The following MKLN1 variants were observed in gnomAD, a reference collection of about 807,000 sequenced individuals.
MKLN1 encodes the protein muskelin 1.
A neutral mutation model predicts 99.0 loss-of-function variants in MKLN1; 18 were observed. The observed-to-expected ratio is 0.18, with a 90% CI of 0.13 to 0.27. The LOEUF (loss-of-function observed/expected upper bound fraction) is 0.27. Among genes scored for constraint, MKLN1 ranks in the 10% least tolerant of loss-of-function variants. The pLI, the probability that MKLN1 is intolerant of heterozygous loss-of-function variation, is 1.00. For missense variants in MKLN1, 621 were observed against 875.9 expected, an observed-to-expected ratio of 0.71 and a Z score of 3.67; for synonymous variants, 288 against 293.2, an observed-to-expected ratio of 0.98 and a Z score of 0.18.
intron 12 of MKLN1, 42 bp from the exon 13 acceptor site, chr7:131,463,175 T>C: frequency 6.8e-7 from 1 of 1,466,118 alleles, no homozygotes; most frequent in Non-Finnish European, 9.5e-7. Context: ...CTAATCTATC[T>C]AATGTGAATA....
At chr7:131,235,178 CT>C (rs1217046785) in intron 3 of MKLN1, among the ~76,000 whole-genome samples, 2 of 152,100 alleles carry the variant, frequency 1.3e-5, no homozygotes, top group Non-Finnish European at 2.9e-5. Context: ...ATCATTCTCT[CT>C]CTTTCACTCT....
Position 131,134,898 on chromosome 7 carries a change from A to G in MKLN1, c.-418-7922A>G, listed in dbSNP as rs192471002. Among the ~76,000 whole-genome samples the G allele has an allele frequency of 2.4e-3, 372 of 152,342 alleles. 1 individual carries two copies. Among genetic ancestry groups the G allele is most frequent in the African/African-American group, 8.3e-3 (345 of 41,582 alleles). On this transcript the variant is annotated intron_variant, in intron 1 of 7. Coordinates refer to the MKLN1 transcript ENST00000416992. The stretch of plus-strand genomic sequence containing the variant: ...AGTTACTGTCTTCAGTATCAAGTCC[A>G]GATTCCCTAGCTGTAATCAAGGTTC...
rs976325963 is a variant in MKLN1 at position 131,263,352 on chromosome 7, A to T, written c.-179+60378A>T. On this transcript the variant is annotated intron_variant, in intron 3 of 7. Transcript: ENST00000416992. ...GACCTCATCTCTACAATTATTAATA[A>T]TAATAATAATAATAATAATAAAATT... is the stretch of plus-strand genomic sequence containing the variant. Among the ~76,000 whole-genome samples, 55 of 129,818 alleles carry T rather than the reference A, an allele frequency of 4.2e-4. 1 individual carries two copies. Among genetic ancestry groups the T allele is most frequent in the Admixed American group, 5.2e-4 (6 of 11,458 alleles). The allele number at this position is 129,818 out of a possible 152,430, so 85.2% of individuals were successfully genotyped here. A position where few individuals can be genotyped will look rare whatever the true frequency, so the allele number is the denominator to read the frequency against.
intron 6 of MKLN1, among the ~76,000 whole-genome samples, chr7:131,404,509 G>A (rs1794643719): frequency 6.6e-6 from 1 of 152,016 alleles, no homozygotes; most frequent in African/African-American, 2.4e-5. Flanking sequence ...ATGGGGTCTC[G>A]CCATGTTACC....
At chr7:131,314,153 C>A (rs1277979394) in intron 3 of MKLN1, among the ~76,000 whole-genome samples, 2 of 152,212 alleles carry the variant, frequency 1.3e-5, no homozygotes, top group Non-Finnish European at 2.9e-5. Flanking sequence ...GTTAAGTGTT[C>A]TCTCACAGAA....
At chr7:131,386,014 CTT>C (rs71174945) in intron 2 of MKLN1, among the ~76,000 whole-genome samples, 31 of 132,868 alleles carry the variant, frequency 2.3e-4, no homozygotes, top group Non-Finnish European at 3.2e-4. Context: ...GGTCTTCAGT[CTT>C]TTTTTTTTTT....
At chr7:131,144,443 C>G (rs1311196784) in intron 2 of MKLN1, among the ~76,000 whole-genome samples, 1 of 149,978 alleles carries the variant, frequency 6.7e-6, no homozygotes, top group African/African-American at 2.5e-5. Flanking sequence ...GATCATGCCA[C>G]TGCACTCCAG....
At chr7:131,415,723 T>C (rs1378308144) in intron 8 of MKLN1, among the ~76,000 whole-genome samples, 2 of 152,006 alleles carry the variant, frequency 1.3e-5, no homozygotes, top group Non-Finnish European at 2.9e-5. Flanking sequence ...TAGGCATCTT[T>C]TTTTCTGCCT....
At chr7:131,472,308 C>G (rs1796841512) in intron 16 of MKLN1, 2 of 152,026 alleles carry the variant, frequency 1.3e-5, no homozygotes, top group Non-Finnish European at 2.9e-5. Flanking sequence ...CAAAATATTT[C>G]AAAGTAAATA....
At chr7:131,266,600 C>T (rs1215075316) in intron 3 of MKLN1, among the ~76,000 whole-genome samples, 1 of 152,078 alleles carries the variant, frequency 6.6e-6, no homozygotes, top group African/African-American at 2.4e-5. Flanking sequence ...CACAGGTCTC[C>T]CTCAAGAACT....
chr7:131,180,833 A>G (rs1432610943), intron 2 of MKLN1, among the ~76,000 whole-genome samples: 1 of 152,344 alleles, frequency 6.6e-6, no homozygotes, highest in East Asian at 1.9e-4. Context: ...AAACATTTTC[A>G]TAAATCTTAG....
At chr7:131,391,385 C>T (rs1289694673) in intron 4 of MKLN1, among the ~76,000 whole-genome samples, 1 of 152,168 alleles carries the variant, frequency 6.6e-6, no homozygotes, top group Admixed American at 6.5e-5. Context: ...CAATTATTCA[C>T]AGTAATGGAG....
At chr7:131,297,435 A>G (rs1436883610) in intron 3 of MKLN1, among the ~76,000 whole-genome samples, 1 of 150,510 alleles carries the variant, frequency 6.6e-6, no homozygotes, top group Non-Finnish European at 1.5e-5. Context: ...GTGTACATAC[A>G]CACACACACA....
chr7:131,301,715 T>G (rs1798379461), intron 3 of MKLN1, among the ~76,000 whole-genome samples: 1 of 152,158 alleles, frequency 6.6e-6, no homozygotes, highest in South Asian at 2.1e-4. Flanking sequence ...TTCCAGAATA[T>G]GGTTCTTTTC....
At chr7:131,410,563 C>G (rs1311228015) in intron 6 of MKLN1, among the ~76,000 whole-genome samples, 2 of 151,978 alleles carry the variant, frequency 1.3e-5, no homozygotes, top group Admixed American at 6.6e-5. Flanking sequence ...AGGACCTAGA[C>G]CAAAATTATT....
At chr7:131,170,055 A>C (rs186060423) in intron 2 of MKLN1, among the ~76,000 whole-genome samples, 12 of 152,240 alleles carry the variant, frequency 7.9e-5, no homozygotes, top group Admixed American at 2.6e-4. Context: ...ATGCCACTGC[A>C]CTGTTGGATA....
chr7:131,479,513 G>A (rs1360617808), intron 17 of MKLN1, among the ~76,000 whole-genome samples: 1 of 152,080 alleles, frequency 6.6e-6, no homozygotes, highest in African/African-American at 2.4e-5. Flanking sequence ...CTGGGTGACA[G>A]AGAGAAAGAC....
intron 3 of MKLN1, among the ~76,000 whole-genome samples, chr7:131,206,704 C>T (rs1410540821): frequency 6.6e-6 from 1 of 151,936 alleles, no homozygotes; most frequent in East Asian, 1.9e-4. Context: ...TACAGGCGTG[C>T]GCCACCGTGG....
chr7:131,363,358 G>T (rs547487505), intron 1 of MKLN1, among the ~76,000 whole-genome samples: 2 of 152,120 alleles, frequency 1.3e-5, no homozygotes, highest in African/African-American at 4.8e-5. Context: ...TGCCCACCTA[G>T]AATGTGAATC....
Sources: allele counts gnomAD v4.1 joint callset (sites outside exome capture counted in the v4.1 genomes callset), GRCh38; gene constraint gnomAD v4.1.1; transcripts MANE v1.5; gene names NCBI Gene and HGNC (gene_info 2026-07-23, HGNC 2026-07-21).